The following SLC25A42 variants were observed in gnomAD, a reference collection of about 807,000 sequenced individuals.
The protein encoded by SLC25A42 is mitochondrial coenzyme A transporter SLC25A42.
SLC25A42 carries 19 observed loss-of-function variants against 34.7 expected under a neutral mutation model. The ratio of observed to expected loss-of-function variants is 0.55; its 90% confidence interval spans 0.38 to 0.80. SLC25A42 has a LOEUF of 0.80. SLC25A42 is among the 30% of genes least tolerant of loss of function. SLC25A42 has a pLI of 0.00. For missense variants in SLC25A42, 364 were observed against 441.3 expected, an observed-to-expected ratio of 0.82 and a Z score of 1.57; for synonymous variants, 205 against 191.2, an observed-to-expected ratio of 1.07 and a Z score of -0.59.
chr19:19,071,782 C>T (rs1248658913), intron 1 of SLC25A42, among the ~76,000 whole-genome samples: 4 of 152,056 alleles, frequency 2.6e-5, no homozygotes, highest in Non-Finnish European at 5.9e-5. Context: ...AGGAGAATCA[C>T]TTGAACCTGG....
chr19:19,086,158 TGAGA>T (rs1377095877), intron 1 of SLC25A42, among the ~76,000 whole-genome samples: 2 of 152,152 alleles, frequency 1.3e-5, no homozygotes, highest in Non-Finnish European at 2.9e-5. Flanking sequence ...TAGCACTTTA[TGAGA>T]GAGAGTCTCG....
At chr19:19,095,526 T>C (rs975036921) in intron 1 of SLC25A42, among the ~76,000 whole-genome samples, 3 of 152,032 alleles carry the variant, frequency 2.0e-5, no homozygotes, top group African/African-American at 7.2e-5. Flanking sequence ...AGCACAAGAA[T>C]TGCTTAAACC....
intron 1 of SLC25A42, among the ~76,000 whole-genome samples, chr19:19,093,244 G>C (rs1351582542): frequency 2.6e-5 from 4 of 152,128 alleles, no homozygotes; most frequent in Admixed American, 2.6e-4. Context: ...TCAAACTCCT[G>C]GGCTCAAGCG....
At chr19:19,078,880 T>C (rs2059667853) in intron 1 of SLC25A42, among the ~76,000 whole-genome samples, 1 of 152,024 alleles carries the variant, frequency 6.6e-6, no homozygotes, top group African/African-American at 2.4e-5. Flanking sequence ...AGATGTAGTC[T>C]TGCTCTTGTC....
At chr19:19,107,802 AGCCG>A in intron 6 of SLC25A42, 88 bp from the exon 7 acceptor site, 1 of 1,369,834 alleles carries the variant, frequency 7.3e-7, no homozygotes. Flanking sequence ...ACCCAGGCCC[AGCCG>A]GCTTCGGGAG....
At chr19:19,107,337 A>G (rs534835146) in intron 6 of SLC25A42, among the ~76,000 whole-genome samples, 1 of 151,864 alleles carries the variant, frequency 6.6e-6, no homozygotes, top group East Asian at 1.9e-4. Context: ...AAACAAAAAA[A>G]GTGTAAGAAT....
chr19:19,070,139 G>A (rs74383692), intron 1 of SLC25A42, among the ~76,000 whole-genome samples: 125,642 of 150,794 alleles, frequency 0.83, 52,429 homozygotes, highest in East Asian at 0.89. Flanking sequence ...GACTACAGGT[G>A]CCCGCCACCA....
chr19:19,106,491 G>A, intron 6 of SLC25A42, 106 bp downstream of exon 6: 1 of 849,822 alleles, frequency 1.2e-6, no homozygotes, highest in Admixed American at 2.5e-5. Flanking sequence ...TTTGCATCTG[G>A]GCCTCCGTGT....
At chr19:19,084,397 C>A (rs2145907084) in intron 1 of SLC25A42, among the ~76,000 whole-genome samples, 1 of 152,330 alleles carries the variant, frequency 6.6e-6, no homozygotes, top group African/African-American at 2.4e-5. Flanking sequence ...CCCAAACCCG[C>A]TTCTTTGTCT....
chr19:19,092,424 G>A (rs115191013), intron 1 of SLC25A42, among the ~76,000 whole-genome samples: 2,921 of 152,270 alleles, frequency 0.019, 85 homozygotes, highest in African/African-American at 0.066. Flanking sequence ...GTCTGTGGGT[G>A]CCACTCGAGG....
chr19:19,080,687 C>T (rs2059676791), intron 1 of SLC25A42, among the ~76,000 whole-genome samples: 1 of 151,764 alleles, frequency 6.6e-6, no homozygotes, highest in African/African-American at 2.4e-5. Flanking sequence ...CTTTGGGAGG[C>T]CAAGGTGGGC....
chr19:19,086,097 G>A (rs2059707083), intron 1 of SLC25A42, among the ~76,000 whole-genome samples: 1 of 152,170 alleles, frequency 6.6e-6, no homozygotes, highest in African/African-American at 2.4e-5. Flanking sequence ...TGTGTTTCCT[G>A]GACTTGGCAT....
chr19:19,070,738 A>G (rs1474682939), intron 1 of SLC25A42, among the ~76,000 whole-genome samples: 10 of 152,218 alleles, frequency 6.6e-5, no homozygotes, highest in Admixed American at 4.6e-4. Context: ...CCAGGTGGAC[A>G]TGAATTTGGG....
At chr19:19,085,384 CTT>C (rs11334289) in intron 1 of SLC25A42, among the ~76,000 whole-genome samples, 259 of 141,670 alleles carry the variant, frequency 1.8e-3, no homozygotes, top group Non-Finnish European at 1.9e-3. Context: ...CACATTTTTT[CTT>C]TTTTTTTTTT....
intron 2 of SLC25A42, among the ~76,000 whole-genome samples, chr19:19,097,341 C>T (rs1014523996): frequency 2.0e-5 from 3 of 152,226 alleles, no homozygotes; most frequent in Admixed American, 6.5e-5. Flanking sequence ...GGGTCACCAC[C>T]AGGTGACTGA....
intron 1 of SLC25A42, among the ~76,000 whole-genome samples, chr19:19,095,351 T>C (rs898401505): frequency 4.6e-5 from 7 of 151,040 alleles, no homozygotes; most frequent in Non-Finnish European, 8.8e-5. Flanking sequence ...CGGTGGCTCA[T>C]GCCTGTAATC....
In SLC25A42 at chr19:19,067,859, G is replaced by C. The variant is rs533347352; in HGVS notation, c.-35+3744G>C. Reference sequence around the variant, plus strand: ...GTCCAATTTCTCACCACTGGTGCCAGATGGAGGGTGTCGTCATACTGAAGT... The same window carrying C: ...GTCCAATTTCTCACCACTGGTGCCACATGGAGGGTGTCGTCATACTGAAGT... On this transcript the variant is annotated intron_variant, in intron 1 of 7. Transcript: ENST00000318596. Among the ~76,000 whole-genome samples, 43 of 152,252 alleles carry C rather than the reference G, an allele frequency of 2.8e-4. No homozygotes were observed. In the East Asian group the frequency reaches 5.8e-3, roughly 20 times the overall value.
Position 19,110,955 on chromosome 19 carries a change from C to G in SLC25A42, c.*79C>G. ...GCCCATGGAACGGTGGGGGGGTGCG[C>G]TTGATTCTACTTCAGGAGGCACATG... On this transcript the variant is annotated 3_prime_UTR_variant, in exon 8 of 8. Coordinates refer to ENST00000318596, the MANE Select transcript of SLC25A42 (RefSeq NM_178526.5). The G allele has an allele frequency of 3.3e-6, 5 of 1,501,628 alleles. No individual in the cohort carries two copies. The highest frequency in any genetic ancestry group is 2.0e-4 in the Middle Eastern group (1 of 5,088). The allele number at this position is 1,501,628 out of a possible 1,614,324, so 93.0% of individuals were successfully genotyped here. A position where few individuals can be genotyped will look rare whatever the true frequency, so the allele number is the denominator to read the frequency against.
rs1360237112 is a variant in SLC25A42, at chr19:19,101,945, A to C, written c.187+59A>C. The C allele has an allele frequency of 2.8e-5, 31 of 1,124,366 alleles. No homozygotes were observed. The Admixed American group carries it at 5.2e-4, about 19-fold the overall frequency. The allele number at this position is 1,124,366 out of a possible 1,614,324, so 69.6% of individuals were successfully genotyped here. On this transcript the variant is annotated intron_variant, in intron 3 of 7. Transcript: ENST00000318596. ...CTGCCAGGCGGTCACCTCCTCCTTC[A>C]TGGCCCCCAAACCACGCTTCAAATT...
Sources: gnomAD v4.1 joint callset for allele counts (sites outside exome capture counted in the v4.1 genomes callset) on GRCh38, gnomAD v4.1.1 for gene constraint, MANE v1.5 for transcripts, NCBI Gene and HGNC (gene_info 2026-07-23, HGNC 2026-07-21) for gene names.